The following G3BP1 variants were observed in gnomAD, a reference collection of about 807,000 sequenced individuals.
G3BP1 encodes the protein ras GTPase-activating protein-binding protein 1.
A neutral mutation model predicts 58.6 loss-of-function variants in G3BP1; 35 were observed. That is an observed-to-expected ratio of 0.60 (90% CI 0.46 to 0.79). The LOEUF is 0.79. Among genes scored for constraint, G3BP1 ranks in the 30% least tolerant of loss-of-function variants. The pLI is 0.00. For synonymous variants in G3BP1, 191 were observed against 195.4 expected (o/e 0.98, Z 0.19); for missense variants, 523 against 580.8 (o/e 0.90, Z 1.02).
chr5:151,781,321 T>G (rs192368202), intron 1 of G3BP1, among the ~76,000 whole-genome samples: 73 of 152,372 alleles, frequency 4.8e-4, no homozygotes, highest in African/African-American at 1.7e-3. Flanking sequence ...AAATGAACTT[T>G]AGTATATACT....
chr5:151,803,073 C>A lies in G3BP1; in HGVS notation c.1195-812C>A, dbSNP rs551800602. Among the ~76,000 whole-genome samples, 4 of 152,164 alleles carry A rather than the reference C, an allele frequency of 2.6e-5. No individual in the cohort carries two copies. The East Asian group carries it at 7.7e-4, about 29-fold the overall frequency. On this transcript the variant is annotated intron_variant, in intron 11 of 11. Transcript: ENST00000356245. ...TGAATATATTGAAATGTTTCGTAGCCCCTTAACTACTTTGGCTCTGTTAGG... is the reference window on the plus strand; with the variant it reads ...TGAATATATTGAAATGTTTCGTAGCACCTTAACTACTTTGGCTCTGTTAGG...
intron 1 of G3BP1, among the ~76,000 whole-genome samples, chr5:151,775,043 C>G (rs971394061): frequency 6.6e-6 from 1 of 152,182 alleles, no homozygotes; most frequent in South Asian, 2.1e-4. Flanking sequence ...CGAATAGTGT[C>G]TTAATATTCT....
rs559594990 is a variant in G3BP1 at position 151,799,616 on chromosome 5, T to C, written c.844-273T>C. Among the ~76,000 whole-genome samples the C allele has an allele frequency of 6.5e-4, 98 of 151,910 alleles. 1 individual carries two copies. Among genetic ancestry groups the C allele is most frequent in the African/African-American group, 2.2e-3 (93 of 41,428 alleles). On this transcript the variant is annotated intron_variant, in intron 8 of 11. Transcript: ENST00000356245. ...GGGAGGATTGCTTGAGTCCCGGAGG[T>C]TGAGGCTGCAGTGAGTCATGATTGT...
In G3BP1 at chr5:151,808,306, A is replaced by C. The variant is rs1762967226; in HGVS notation, c.*4215A>C. ...TATTTACATTCTTATTAGTGGATAG[A>C]TATCACCTCAGTACAACACTGAAAT... On this transcript the variant is annotated 3_prime_UTR_variant, in exon 12 of 12. Coordinates refer to ENST00000356245, the MANE Select transcript of G3BP1 (RefSeq NM_005754.3). 1 of 152,224 alleles carries C rather than the reference A, an allele frequency of 6.6e-6. No individual in the cohort carries two copies. Among genetic ancestry groups the C allele is most frequent in the African/African-American group, 2.4e-5 (1 of 41,456 alleles). The allele number at this position is 152,224 out of a possible 1,614,324, so 9.4% of individuals were successfully genotyped here.
intron 7 of G3BP1, among the ~76,000 whole-genome samples, chr5:151,798,982 C>T (rs905177663): frequency 6.6e-6 from 1 of 152,056 alleles, no homozygotes; most frequent in Non-Finnish European, 1.5e-5. Flanking sequence ...TGAGTAGTTT[C>T]TTGAACCTAA....
chr5:151,773,523 T>C (rs1581568264), intron 1 of G3BP1, among the ~76,000 whole-genome samples: 2 of 152,240 alleles, frequency 1.3e-5, no homozygotes, highest in Non-Finnish European at 2.9e-5. Context: ...CTGGAGCTTA[T>C]ATTTTTCTAG....
rs1763032324 is a variant in G3BP1 at position 151,812,605 on chromosome 5, G to GAGATTGC, written c.*8516_*8522dup. 6.6e-6 allele frequency: 1 copy of GAGATTGC among 152,216 alleles called. No individual in the cohort carries two copies. Among genetic ancestry groups the GAGATTGC allele is most frequent in the Non-Finnish European group, 1.5e-5 (1 of 68,016 alleles). 9.4% of individuals were successfully genotyped at this position (152,216 alleles called of 1,614,324 possible). On this transcript the variant is annotated 3_prime_UTR_variant, in exon 12 of 12. Coordinates refer to ENST00000356245, the MANE Select transcript of G3BP1 (RefSeq NM_005754.3). Reference sequence around the variant, plus strand: ...CTTTGGCCAGGTTGGGTGGGACTCTGAGATTGCACACTCTTGCCCTGTTGG... The same window carrying GAGATTGC: ...CTTTGGCCAGGTTGGGTGGGACTCTGAGATTGCAGATTGCACACTCTTGCCCTGTTGG...
Position 151,799,017 on chromosome 5 carries a change from G to GATC in G3BP1, c.742-190_742-188dup, listed in dbSNP as rs369735741. 2.8e-3 allele frequency among the ~76,000 whole-genome samples: 430 copies of GATC among 152,160 alleles called. 1 individual carries two copies. Among genetic ancestry groups the GATC allele is most frequent in the Non-Finnish European group, 4.8e-3 (328 of 68,004 alleles). On this transcript the variant is annotated intron_variant, in intron 7 of 11. Transcript: ENST00000356245. Reference sequence around the variant, plus strand: ...AGCCTCTCGGATTTGCTTGGTACTTGATCATCAGTCCCAAGGAATTTCAGT... The same window carrying GATC: ...AGCCTCTCGGATTTGCTTGGTACTTGATCATCATCAGTCCCAAGGAATTTCAGT...
intron 11 of G3BP1, among the ~76,000 whole-genome samples, chr5:151,801,773 T>G (rs952140319): frequency 6.6e-6 from 1 of 152,162 alleles, no homozygotes; most frequent in Admixed American, 6.6e-5. Flanking sequence ...ATCAGTGATA[T>G]TCTCCAGAAT....
intron 6 of G3BP1, among the ~76,000 whole-genome samples, chr5:151,796,120 C>G (rs1762744255): frequency 6.6e-6 from 1 of 152,130 alleles, no homozygotes. Flanking sequence ...TGTTAATATT[C>G]AGTGCCTGAA....
At chr5:151,775,194 G>T (rs1477150592) in intron 1 of G3BP1, among the ~76,000 whole-genome samples, 1 of 152,188 alleles carries the variant, frequency 6.6e-6, no homozygotes, top group Non-Finnish European at 1.5e-5. Flanking sequence ...CTTGGTATGT[G>T]TGTTGTATCT....
At chr5:151,783,928 A>T (rs1762514795) in intron 1 of G3BP1, among the ~76,000 whole-genome samples, 1 of 151,864 alleles carries the variant, frequency 6.6e-6, no homozygotes, top group Non-Finnish European at 1.5e-5. Context: ...ACGGCCAGCT[A>T]ATTTTTGTAT....
chr5:151,797,217 C>G lies in G3BP1; in HGVS notation c.540-10C>G, dbSNP rs1581581377. The G allele has an allele frequency of 1.9e-6, 3 of 1,612,034 alleles. No homozygotes were observed. The East Asian group carries it at 6.7e-5, about 36-fold the overall frequency. On this transcript the variant is annotated splice_polypyrimidine_tract_variant and intron_variant, in intron 6 of 11. Coordinates refer to ENST00000356245, the MANE Select transcript of G3BP1 (RefSeq NM_005754.3). ...GGCAGAATGATATTTCTCAAATTTT[C>G]CTGTCAAAGTAATGACATGGAAGAA...
intron 1 of G3BP1, among the ~76,000 whole-genome samples, chr5:151,773,769 A>T (rs1459528687): frequency 6.6e-6 from 1 of 152,158 alleles, no homozygotes; most frequent in African/African-American, 2.4e-5. Flanking sequence ...CTGGTTAACT[A>T]TGGAATTAGC....
At chr5:151,777,909 G>A (rs548560149) in intron 1 of G3BP1, among the ~76,000 whole-genome samples, 1 of 151,798 alleles carries the variant, frequency 6.6e-6, no homozygotes, top group Non-Finnish European at 1.5e-5. Context: ...GAATTTTTTT[G>A]TAAATACATT....
Position 151,810,993 on chromosome 5 carries a change from C to T in G3BP1, c.*6902C>T, listed in dbSNP as rs1763009845. ...TGAAATTTTCATTTCTTTGCAAAAA[C>T]TTGTTCCTTCTTTCAGTTCATGACA... is the stretch of plus-strand genomic sequence containing the variant. On this transcript the variant is annotated 3_prime_UTR_variant, in exon 12 of 12. Coordinates refer to ENST00000356245, the MANE Select transcript of G3BP1 (RefSeq NM_005754.3). The T allele has an allele frequency of 6.6e-6, 1 of 152,156 alleles. No individual in the cohort carries two copies. The highest frequency in any genetic ancestry group is 1.5e-5 in the Non-Finnish European group (1 of 68,030). 9.4% of individuals were successfully genotyped at this position (152,156 alleles called of 1,614,324 possible).
At chr5:151,790,278 T>TAAGATA (rs1561534042) in intron 2 of G3BP1, 45 bp from the exon 3 acceptor site, 2 of 1,069,242 alleles carry the variant, frequency 1.9e-6, no homozygotes, top group South Asian at 2.9e-5. Context: ...AAAATAAACT[T>TAAGATA]AAGATACTTG....
At chr5:151,793,380 A>T (rs1762694482) in intron 4 of G3BP1, among the ~76,000 whole-genome samples, 1 of 152,150 alleles carries the variant, frequency 6.6e-6, no homozygotes, top group African/African-American at 2.4e-5. Flanking sequence ...AAGTGCTGGG[A>T]TTGCAGGCAT....
rs760065810 is a variant in G3BP1 at position 151,810,076 on chromosome 5, G to A, written c.*5985G>A. ...TATTGTTGTAACTGTAAGCTCCTAG[G>A]GGGCAGCAATTTGGTCTTAGGCGTG... On this transcript the variant is annotated 3_prime_UTR_variant, in exon 12 of 12. Transcript: ENST00000356245. The A allele has an allele frequency of 9.9e-5, 15 of 152,114 alleles. No homozygotes were observed. The highest frequency in any genetic ancestry group is 2.1e-4 in the Non-Finnish European group (14 of 68,020). The allele number at this position is 152,114 out of a possible 1,614,324, so 9.4% of individuals were successfully genotyped here. A position where few individuals can be genotyped will look rare whatever the true frequency, so the allele number is the denominator to read the frequency against.
Sources: allele counts gnomAD v4.1 joint callset (sites outside exome capture counted in the v4.1 genomes callset), GRCh38; gene constraint gnomAD v4.1.1; transcripts MANE v1.5; gene names NCBI Gene and HGNC (gene_info 2026-07-23, HGNC 2026-07-21).